Variants in INSR observed in about 807,000 individuals in gnomAD.
The protein encoded by INSR is IR.
A neutral mutation model predicts 142.6 loss-of-function variants in INSR; 67 were observed. The ratio of observed to expected loss-of-function variants is 0.47; its 90% CI spans 0.39 to 0.58. The LOEUF (loss-of-function observed/expected upper bound fraction) is 0.58, where lower values mean the gene tolerates loss of function less well. Ranked by LOEUF, INSR falls within the 20% of genes least tolerant of loss-of-function variation. The pLI is 0.00. For synonymous variants in INSR, 756 were observed against 743.1 expected (o/e 1.02, Z -0.28); for missense variants, 1,248 against 1,833.2 (o/e 0.68, Z 5.83).
intron 2 of INSR, among the ~76,000 whole-genome samples, chr19:7,222,147 ATC>A (rs1489489185): frequency 2.1e-5 from 3 of 144,902 alleles, no homozygotes; most frequent in African/African-American, 5.0e-5. Flanking sequence ...AAAAAAAAAA[ATC>A]AGGAGTGACC....
intron 2 of INSR, 125 bp from the exon 3 acceptor site, chr19:7,184,762 G>T: frequency 1.5e-6 from 1 of 686,958 alleles, no homozygotes; most frequent in Non-Finnish European, 2.1e-6. Context: ...GACAGTGAAA[G>T]CCAACCAAAC....
At chr19:7,153,003 C>A (rs1599913410) in intron 9 of INSR, 76 bp from the exon 10 acceptor site, 5 of 720,192 alleles carry the variant, frequency 6.9e-6, no homozygotes, top group Non-Finnish European at 8.7e-6. Flanking sequence ...ACACCCCACA[C>A]ACACACACAC....
rs1305530133 is a variant in INSR, at chr19:7,123,009, G to A, written c.3259-20C>T. 1.3e-6 allele frequency: 2 copies of A among 1,550,866 alleles called. No homozygotes were observed. Among genetic ancestry groups the A allele is most frequent in the Non-Finnish European group, 8.8e-7 (1 of 1,139,052 alleles). On this transcript the variant is annotated intron_variant, in intron 17 of 21. Coordinates refer to ENST00000302850, the MANE Select transcript of INSR (RefSeq NM_000208.4). ...GCGCACCTGCAGAGCAAGCAACCAG[G>A]GTTCTTGGAGGAGGGTCCGTGATTC...
chr19:7,132,074 C>T, intron 14 of INSR, 84 bp downstream of exon 14: 1 of 1,563,412 alleles, frequency 6.4e-7, no homozygotes, highest in East Asian at 2.2e-5. Flanking sequence ...CACCTGCGGC[C>T]TCTCCAAGTC....
chr19:7,247,711 T>G (rs1976578744), intron 2 of INSR, among the ~76,000 whole-genome samples: 1 of 152,130 alleles, frequency 6.6e-6, no homozygotes, highest in Non-Finnish European at 1.5e-5. Flanking sequence ...GCTAGACAAT[T>G]TGCCCAAGGT....
In INSR at chr19:7,192,564, C is replaced by G. The variant is rs1023841992; in HGVS notation, c.653-7927G>C. Among the ~76,000 whole-genome samples the G allele has an allele frequency of 6.6e-6, 1 of 152,034 alleles. No homozygotes were observed. The highest frequency in any genetic ancestry group is 2.4e-5 in the African/African-American group (1 of 41,368). On this transcript the variant is annotated intron_variant, in intron 2 of 21. Transcript: ENST00000302850. This position sits in a 1 kb window ranked among gnomAD's most constrained non-coding sequence, Gnocchi z 4.2. Reference sequence around the variant, plus strand: ...CCCAAATTCTGGTTTGGGGTAGGGACAGTCAGCAGCCCAGGCTATGTCTGC... The same window carrying G: ...CCCAAATTCTGGTTTGGGGTAGGGAGAGTCAGCAGCCCAGGCTATGTCTGC...
chr19:7,258,807 T>C (rs1271745062), intron 2 of INSR, among the ~76,000 whole-genome samples: 2 of 149,100 alleles, frequency 1.3e-5, no homozygotes, highest in African/African-American at 4.9e-5. Flanking sequence ...CTTAGTCTGA[T>C]AGGAGAGGCC....
intron 2 of INSR, among the ~76,000 whole-genome samples, chr19:7,232,935 C>T (rs532024131): frequency 3.3e-5 from 5 of 152,220 alleles, no homozygotes; most frequent in East Asian, 3.8e-4. Flanking sequence ...TTATCATTCC[C>T]GTATCCTCTT....
At chr19:7,282,814 A>G (rs1968242246) in intron 1 of INSR, among the ~76,000 whole-genome samples, 1 of 151,604 alleles carries the variant, frequency 6.6e-6, no homozygotes, top group South Asian at 2.1e-4. Context: ...TCTACTAAAA[A>G]TACAAAAAAT....
chr19:7,242,857 AAAAG>A (rs1410992440), intron 2 of INSR, among the ~76,000 whole-genome samples: 3 of 152,162 alleles, frequency 2.0e-5, no homozygotes, highest in African/African-American at 7.2e-5. Flanking sequence ...GGCCTAAAAA[AAAAG>A]AAAGAAAAGG....
At chr19:7,258,402 C>A (rs1272355367) in intron 2 of INSR, among the ~76,000 whole-genome samples, 1 of 124,156 alleles carries the variant, frequency 8.1e-6, no homozygotes, top group African/African-American at 2.9e-5. Context: ...CAGAGTGAGA[C>A]CCCATCTCTA....
In INSR at chr19:7,122,755, G is replaced by C. The variant is rs1452393258; in HGVS notation, c.3388C>G (p.Pro1130Ala). ...TGAATCATCTCTTGAAGGGTAGGGG[G>C]AGGGCGGCCAGGATTATTCTAAAAC... ...PEAENNPGRP[P>A]PTLQEMIQMA... is the part of the protein sequence containing the mutation. Residue 1130 changes from proline (P) to alanine (A), a missense_variant, in exon 19 of 22, where the codon CCC becomes GCC. Physicochemically the swap from Pro to Ala is conservative, Grantham distance 27. This residue lies in a region of INSR where 1,069 missense variants were observed against 1,654.0 expected (regional missense o/e 0.65). Transcript: ENST00000302850. 1 of 1,614,154 alleles carries C rather than the reference G, an allele frequency of 6.2e-7. No homozygotes were observed. The highest frequency in any genetic ancestry group is 2.2e-5 in the East Asian group (1 of 44,870).
In INSR at chr19:7,294,011, G is replaced by C. The variant is rs1968572755; in HGVS notation, c.-120C>G. On this transcript the variant is annotated 5_prime_UTR_variant, in exon 1 of 22. Coordinates refer to ENST00000302850, the MANE Select transcript of INSR (RefSeq NM_000208.4). ...CCGCGCGTCCTTCTCTTCCACGCCC[G>C]CGACCCGCGGGCCGCAGCCCCCCTG... 9.5e-7 allele frequency: 1 copy of C among 1,050,324 alleles called. No individual in the cohort carries two copies. Among genetic ancestry groups the C allele is most frequent in the African/African-American group, 1.7e-5 (1 of 58,984 alleles). 65.1% of individuals were successfully genotyped at this position (1,050,324 alleles called of 1,614,324 possible). A position where few individuals can be genotyped will look rare whatever the true frequency, so the allele number is the denominator to read the frequency against.
intron 13 of INSR, among the ~76,000 whole-genome samples, chr19:7,135,745 CAGA>C (rs1434635423): frequency 1.6e-4 from 24 of 151,982 alleles, no homozygotes; most frequent in African/African-American, 5.5e-4. Flanking sequence ...CCGAGGCGGG[CAGA>C]TCACGAGGTC....
intron 2 of INSR, among the ~76,000 whole-genome samples, chr19:7,189,480 A>C (rs1183747030): frequency 6.6e-6 from 1 of 152,194 alleles, no homozygotes; most frequent in African/African-American, 2.4e-5. Flanking sequence ...GAGGCTTTGC[A>C]GGACATATGG....
chr19:7,119,623 T>G lies in INSR; in HGVS notation c.3660-40A>C. 1 of 1,604,924 alleles carries G rather than the reference T, an allele frequency of 6.2e-7. No homozygotes were observed. The highest frequency in any genetic ancestry group is 1.3e-5 in the African/African-American group (1 of 74,470). ...TGATAGTAGTAACAAAGAAGCCATTTAGACACACACACACACGCGCGCGCG... is the reference window on the plus strand; with the variant it reads ...TGATAGTAGTAACAAAGAAGCCATTGAGACACACACACACACGCGCGCGCG... On this transcript the variant is annotated intron_variant, in intron 20 of 21. Coordinates refer to ENST00000302850, the MANE Select transcript of INSR (RefSeq NM_000208.4). This position sits in a 1 kb window ranked among gnomAD's most constrained non-coding sequence, Gnocchi z 5.2.
Position 7,285,862 on chromosome 19 carries a change from C to T in INSR, c.100+7930G>A, listed in dbSNP as rs564578783. Among the ~76,000 whole-genome samples the T allele has an allele frequency of 1.9e-4, 29 of 152,226 alleles. No individual in the cohort carries two copies. In the South Asian group the frequency reaches 5.6e-3, roughly 29 times the overall value. ...GGGTGAATTGAGGGAGTTTGGACAA[C>T]AACGAGACTGTTCTCTATCCTAATT... On this transcript the variant is annotated intron_variant, in intron 1 of 21. Transcript: ENST00000302850.
Position 7,119,627 on chromosome 19 carries a change from CACACACACACACGCGCGCGCGCAA to C in INSR, c.3660-68_3660-45del, listed in dbSNP as rs1568425767. On this transcript the variant is annotated intron_variant, in intron 20 of 21. Transcript: ENST00000302850. The surrounding 1 kb of genome is among the most constrained non-coding windows in gnomAD (Gnocchi z 5.2). ...AGTAGTAACAAAGAAGCCATTTAGA[CACACACACACACGCGCGCGCGCAA>C]ACACACACACGCAAACGCACACACA... is the stretch of plus-strand genomic sequence containing the variant. The C allele has an allele frequency of 5.2e-6, 8 of 1,550,812 alleles. No homozygotes were observed. In the South Asian group the frequency reaches 5.6e-5, roughly 11 times the overall value.
At chr19:7,253,010 G>A (rs1976776637) in intron 2 of INSR, among the ~76,000 whole-genome samples, 1 of 151,908 alleles carries the variant, frequency 6.6e-6, no homozygotes, top group Admixed American at 6.6e-5. Flanking sequence ...AGCTACTCAG[G>A]AGGCTGAGGC....
Sources: gnomAD v4.1 joint callset for allele counts (sites outside exome capture counted in the v4.1 genomes callset) on GRCh38, gnomAD v4.1.1 for gene constraint, gnomAD v4.1.1 regional missense constraint, Gnocchi (gnomAD v3.1) non-coding constraint, MANE v1.5 for transcripts, NCBI Gene and HGNC (gene_info 2026-07-23, HGNC 2026-07-21) for gene names.